CHRNA7: variants seen among roughly 807,000 people sequenced by gnomAD.
The protein encoded by CHRNA7 is cholinergic receptor nicotinic alpha 7 subunit.
CHRNA7 carries 17 observed loss-of-function variants against 48.0 expected under a neutral mutation model. The ratio of observed to expected loss-of-function variants is 0.35; its 90% CI spans 0.24 to 0.53. The LOEUF (loss-of-function observed/expected upper bound fraction) is 0.53, where lower values mean the gene tolerates loss of function less well. CHRNA7 is among the 20% of genes least tolerant of loss of function. The pLI, the probability that CHRNA7 is intolerant of heterozygous loss-of-function variation, is 0.92. For missense variants in CHRNA7, 155 were observed against 577.7 expected, an observed-to-expected ratio of 0.27 and a Z score of 7.50; for synonymous variants, 75 against 242.3, an observed-to-expected ratio of 0.31 and a Z score of 6.41.
intron 2 of CHRNA7, among the ~76,000 whole-genome samples, chr15:32,081,820 G>T (rs982574): frequency 6.6e-6 from 1 of 152,026 alleles, no homozygotes; most frequent in Non-Finnish European, 1.5e-5. Context: ...ATTTTTCCCT[G>T]CTTTCTCTCC....
intron 2 of CHRNA7, among the ~76,000 whole-genome samples, chr15:32,052,765 G>A (rs375611044): frequency 1.3e-5 from 2 of 152,164 alleles, no homozygotes; most frequent in Admixed American, 1.3e-4. Flanking sequence ...AAAAAAGTTA[G>A]ATGAAAGATA....
intron 2 of CHRNA7, among the ~76,000 whole-genome samples, chr15:32,055,309 G>A (rs146545053): frequency 1.8e-4 from 27 of 151,372 alleles, no homozygotes; most frequent in East Asian, 1.4e-3. Flanking sequence ...ATATAAACCC[G>A]TAGTCATTGT....
At chr15:32,084,039 A>G (rs1483080360) in intron 2 of CHRNA7, among the ~76,000 whole-genome samples, 4 of 152,222 alleles carry the variant, frequency 2.6e-5, no homozygotes, top group Non-Finnish European at 5.9e-5. Context: ...TCCTTGTGTT[A>G]AAACTCTGTT....
intron 4 of CHRNA7, among the ~76,000 whole-genome samples, chr15:32,131,005 G>A (rs1414550478): frequency 3.9e-5 from 6 of 152,014 alleles, no homozygotes; most frequent in South Asian, 2.1e-4. Context: ...GCTGGTCTCC[G>A]TGGTTACTGT....
chr15:32,065,158 G>A (rs1046607343), intron 2 of CHRNA7, among the ~76,000 whole-genome samples: 1 of 152,164 alleles, frequency 6.6e-6, no homozygotes, highest in Non-Finnish European at 1.5e-5. Flanking sequence ...CCGAATCTTG[G>A]TAAGAACAGT....
At chr15:32,081,629 G>A (rs2050216832) in intron 2 of CHRNA7, among the ~76,000 whole-genome samples, 1 of 152,042 alleles carries the variant, frequency 6.6e-6, no homozygotes, top group African/African-American at 2.4e-5. Flanking sequence ...CAGTTTGCAT[G>A]CAGCATAGAA....
At chr15:32,128,276 G>A (rs2051102132) in intron 4 of CHRNA7, among the ~76,000 whole-genome samples, 1 of 151,840 alleles carries the variant, frequency 6.6e-6, no homozygotes, top group African/African-American at 2.4e-5. Context: ...AGCTATTTTA[G>A]TTTCTTTGTT....
Position 32,170,400 on chromosome 15 carries a change from T to TG in CHRNA7, c.*1944dup, listed in dbSNP as rs1330142468. 2 of 137,990 alleles carry TG rather than the reference T, an allele frequency of 1.4e-5. No individual in the cohort carries two copies. Among genetic ancestry groups the TG allele is most frequent in the East Asian group, 4.3e-4 (2 of 4,620 alleles). The allele number at this position is 137,990 out of a possible 1,614,324, so 8.5% of individuals were successfully genotyped here. A position where few individuals can be genotyped will look rare whatever the true frequency, so the allele number is the denominator to read the frequency against. ...CAGCAGGCATTCCTTCCACATGCTA[T>TG]GGATGAACCATGCACAAGATTTTCG... On this transcript the variant is annotated 3_prime_UTR_variant, in exon 10 of 10. Transcript: ENST00000306901.
At chr15:32,031,381 C>G (rs1187171093) in intron 2 of CHRNA7, among the ~76,000 whole-genome samples, 2 of 152,212 alleles carry the variant, frequency 1.3e-5, no homozygotes, top group Non-Finnish European at 2.9e-5. Context: ...TTTAATCTCC[C>G]TTATGGTGTA....
At position 32,035,815 on chromosome 15, in the gene CHRNA7, A is replaced by C. The variant is rs1017661507; in HGVS notation, c.195+4778A>C. On this transcript the variant is annotated intron_variant, in intron 2 of 9. Transcript: ENST00000306901. ...TACTTTTTTGAGCAGTTTTAGCTTC[A>C]CAGCAAAATGAAGAAGAAGGTACAG... 4.6e-5 allele frequency among the ~76,000 whole-genome samples: 7 copies of C among 152,350 alleles called. No individual in the cohort carries two copies. In the East Asian group the frequency reaches 1.2e-3, roughly 25 times the overall value.
intron 4 of CHRNA7, among the ~76,000 whole-genome samples, chr15:32,145,677 A>G (rs1256299937): frequency 1.3e-5 from 2 of 152,122 alleles, no homozygotes; most frequent in African/African-American, 4.8e-5. Context: ...TCGATCACAG[A>G]CTGCTGTGCT....
intron 2 of CHRNA7, among the ~76,000 whole-genome samples, chr15:32,067,105 A>G (rs994248625): frequency 5.3e-5 from 8 of 152,238 alleles, no homozygotes; most frequent in African/African-American, 1.9e-4. Context: ...AGGGGCAGAA[A>G]GAATACTTGA....
At chr15:32,045,541 GTT>G (rs749524106) in intron 2 of CHRNA7, among the ~76,000 whole-genome samples, 1 of 145,026 alleles carries the variant, frequency 6.9e-6, no homozygotes, top group Non-Finnish European at 1.5e-5. Flanking sequence ...TCTTCAATAA[GTT>G]TTTTTTTTTT....
chr15:32,108,664 C>CA (rs1378148268), intron 3 of CHRNA7, among the ~76,000 whole-genome samples: 2 of 152,186 alleles, frequency 1.3e-5, no homozygotes, highest in African/African-American at 4.8e-5. Flanking sequence ...TGTTGGCACT[C>CA]AGTCTTCCCC....
At position 32,045,912 on chromosome 15, in the gene CHRNA7, T is replaced by A. The variant is rs1212764819; in HGVS notation, c.195+14875T>A. Among the ~76,000 whole-genome samples, 3 of 148,416 alleles carry A rather than the reference T, an allele frequency of 2.0e-5. No homozygotes were observed. The East Asian group carries it at 6.1e-4, about 30-fold the overall frequency. On this transcript the variant is annotated intron_variant, in intron 2 of 9. Coordinates refer to ENST00000306901, the MANE Select transcript of CHRNA7 (RefSeq NM_000746.6). ...CAATTCCCATCTATGAGTGAGAACA[T>A]GTGGTGTTTGGTTTTTTGTCCTTGG...
intron 2 of CHRNA7, among the ~76,000 whole-genome samples, chr15:32,093,879 G>C (rs572101266): frequency 6.6e-6 from 1 of 152,166 alleles, no homozygotes; most frequent in African/African-American, 2.4e-5. Context: ...CAGTGTTCTC[G>C]AACTGTGCAG....
chr15:32,033,795 A>G (rs1393337993), intron 2 of CHRNA7, among the ~76,000 whole-genome samples: 1 of 152,164 alleles, frequency 6.6e-6, no homozygotes, highest in Non-Finnish European at 1.5e-5. Context: ...TTTTAACTGG[A>G]CTGTTCTAGA....
chr15:32,046,549 A>G (rs1485083474), intron 2 of CHRNA7, among the ~76,000 whole-genome samples: 2 of 151,170 alleles, frequency 1.3e-5, no homozygotes, highest in African/African-American at 2.4e-5. Flanking sequence ...GTTTGAGTTC[A>G]TTGTAGATTC....
intron 2 of CHRNA7, among the ~76,000 whole-genome samples, chr15:32,084,315 G>A (rs1440868126): frequency 6.6e-6 from 1 of 152,140 alleles, no homozygotes; most frequent in Non-Finnish European, 1.5e-5. Context: ...TTTACATAGG[G>A]CTCTCTTAGA....
Sources: allele counts gnomAD v4.1 joint callset (sites outside exome capture counted in the v4.1 genomes callset), GRCh38; gene constraint gnomAD v4.1.1; transcripts MANE v1.5; gene names NCBI Gene and HGNC (gene_info 2026-07-23, HGNC 2026-07-21).